The following ANKS1B variants were observed in gnomAD, a reference collection of about 807,000 sequenced individuals.
ANKS1B encodes ankyrin repeat and sterile alpha motif domain-containing protein 1B.
Under a neutral mutation model 148.3 loss-of-function variants are expected in ANKS1B, and 36 were observed. The ratio of observed to expected loss-of-function variants is 0.24; its 90% CI spans 0.19 to 0.32. The LOEUF (loss-of-function observed/expected upper bound fraction) is 0.32. ANKS1B is among the 10% of genes least tolerant of loss of function. The pLI is 1.00. For missense variants in ANKS1B, 1,157 were observed against 1,542.6 expected (o/e 0.75, Z 4.19); for synonymous variants, 542 against 560.8 (o/e 0.97, Z 0.47).
chr12:99,757,919 C>T (rs1188237619), intron 8 of ANKS1B, among the ~76,000 whole-genome samples: 1 of 151,806 alleles, frequency 6.6e-6, no homozygotes, highest in Non-Finnish European at 1.5e-5. Flanking sequence ...GAGAACAGCA[C>T]ACACTGGGGT....
chr12:99,702,794 A>AT lies in ANKS1B; in HGVS notation c.1129-47585dup. Among the ~76,000 whole-genome samples the AT allele has an allele frequency of 6.1e-5, 8 of 130,274 alleles. 1 individual carries two copies. In the East Asian group the frequency reaches 2.1e-3, roughly 34 times the overall value. 85.5% of individuals were successfully genotyped at this position (130,274 alleles called of 152,430 possible). Reference sequence around the variant, plus strand: ...TAACTTGATGTGATTACATTTGTCCATTTTTGCTTTGGTTGCCTGTGCTTT... The same window carrying AT: ...TAACTTGATGTGATTACATTTGTCCATTTTTTGCTTTGGTTGCCTGTGCTTT... On this transcript the variant is annotated intron_variant, in intron 8 of 26. Transcript: ENST00000683438.
chr12:99,298,264 T>A (rs2081161921), intron 12 of ANKS1B, among the ~76,000 whole-genome samples: 1 of 152,212 alleles, frequency 6.6e-6, no homozygotes, highest in East Asian at 1.9e-4. Flanking sequence ...CACGTTGAAT[T>A]GTAATAATCC....
chr12:99,824,806 T>C (rs532233267), intron 2 of ANKS1B, among the ~76,000 whole-genome samples: 1 of 152,316 alleles, frequency 6.6e-6, no homozygotes, highest in East Asian at 1.9e-4. Context: ...AATTTAGGGT[T>C]GGCAAATCTA....
chr12:99,464,936 A>T (rs531745667), intron 10 of ANKS1B, among the ~76,000 whole-genome samples: 151 of 152,324 alleles, frequency 9.9e-4, no homozygotes, highest in African/African-American at 3.5e-3. Flanking sequence ...CAGGAAATAC[A>T]GAGAACACCA....
Position 99,041,030 on chromosome 12 carries a change from C to T in ANKS1B, c.2778+12127G>A, listed in dbSNP as rs538091230. On this transcript the variant is annotated intron_variant, in intron 17 of 26. Transcript: ENST00000683438. ...GACGTTGTGAGTTGAGAGCCTGGAC[C>T]TCAGGGATAAAGACCTGTACTTGGC... Among the ~76,000 whole-genome samples the T allele has an allele frequency of 3.9e-5, 6 of 152,288 alleles. No individual in the cohort carries two copies. In the South Asian group the frequency reaches 1.0e-3, roughly 26 times the overall value.
intron 8 of ANKS1B, among the ~76,000 whole-genome samples, chr12:99,708,972 A>G (rs1367831180): frequency 6.6e-6 from 1 of 152,166 alleles, no homozygotes; most frequent in Non-Finnish European, 1.5e-5. Context: ...CAATAAATGT[A>G]AATTAATTAG....
At chr12:99,037,025 T>C (rs1327426019) in intron 17 of ANKS1B, among the ~76,000 whole-genome samples, 1 of 152,210 alleles carries the variant, frequency 6.6e-6, no homozygotes, top group South Asian at 2.1e-4. Flanking sequence ...AGATGGTATT[T>C]CTAGGTTCCA....
chr12:98,827,831 T>C (rs1465816231), intron 19 of ANKS1B, among the ~76,000 whole-genome samples: 4 of 152,108 alleles, frequency 2.6e-5, no homozygotes, highest in African/African-American at 9.7e-5. Context: ...TTCATATTAA[T>C]ACACAAAGAC....
intron 1 of ANKS1B, among the ~76,000 whole-genome samples, chr12:99,970,574 G>A (rs2095546056): frequency 1.3e-5 from 2 of 150,644 alleles, no homozygotes; most frequent in Non-Finnish European, 2.9e-5. Flanking sequence ...TCAGGATTAG[G>A]CTCAAACTCC....
intron 17 of ANKS1B, among the ~76,000 whole-genome samples, chr12:98,885,506 A>T (rs533085641): frequency 1.1e-4 from 16 of 152,232 alleles, no homozygotes; most frequent in Admixed American, 4.6e-4. Context: ...TGAAAGAAGA[A>T]GATCAAAGGG....
chr12:99,413,869 A>C (rs1426743058), intron 11 of ANKS1B, among the ~76,000 whole-genome samples: 1 of 152,110 alleles, frequency 6.6e-6, no homozygotes, highest in Non-Finnish European at 1.5e-5. Flanking sequence ...CTAGCTGTTG[A>C]TGTTCTCTTC....
intron 12 of ANKS1B, among the ~76,000 whole-genome samples, chr12:99,331,412 C>G (rs1442442155): frequency 1.3e-5 from 2 of 151,986 alleles, no homozygotes; most frequent in Non-Finnish European, 2.9e-5. Context: ...TGCTTTACAA[C>G]CTCCTGCAGC....
At chr12:99,115,013 T>TA (rs1323396084) in intron 15 of ANKS1B, among the ~76,000 whole-genome samples, 3 of 152,136 alleles carry the variant, frequency 2.0e-5, no homozygotes, top group Non-Finnish European at 4.4e-5. Context: ...AGGCAGCACT[T>TA]ACACACGATG....
rs1432296534 is a variant in ANKS1B, at chr12:99,521,196, T to C, written c.1273-16555A>G. Among the ~76,000 whole-genome samples the C allele has an allele frequency of 3.3e-5, 5 of 152,316 alleles. 1 individual carries two copies. Among genetic ancestry groups the C allele is most frequent in the African/African-American group, 9.6e-5 (4 of 41,584 alleles). ...TCTGATGCATTCTTCAGTGTGTTGA[T>C]TGCGTTTTTTCAGCTCCAGAATTTC... On this transcript the variant is annotated intron_variant, in intron 9 of 26. Transcript: ENST00000683438.
intron 8 of ANKS1B, among the ~76,000 whole-genome samples, chr12:99,681,878 T>C (rs1050070965): frequency 6.6e-5 from 10 of 152,136 alleles, no homozygotes; most frequent in Admixed American, 5.2e-4. Flanking sequence ...GAAGGTCACC[T>C]AACACATAAG....
chr12:99,886,852 C>T (rs972235367), intron 1 of ANKS1B, among the ~76,000 whole-genome samples: 2 of 152,132 alleles, frequency 1.3e-5, no homozygotes, highest in African/African-American at 4.8e-5. Flanking sequence ...CTTTTTCCCT[C>T]TTATATAAGC....
chr12:99,419,450 C>G (rs2095016514), intron 11 of ANKS1B, among the ~76,000 whole-genome samples: 1 of 151,952 alleles, frequency 6.6e-6, no homozygotes, highest in African/African-American at 2.4e-5. Context: ...TAGTGACATC[C>G]CTATTTTATT....
intron 12 of ANKS1B, among the ~76,000 whole-genome samples, chr12:99,305,594 T>C (rs2082229128): frequency 6.6e-6 from 1 of 152,100 alleles, no homozygotes; most frequent in Non-Finnish European, 1.5e-5. Flanking sequence ...ACTCTCAGAA[T>C]CCCTGGAAAT....
intron 9 of ANKS1B, among the ~76,000 whole-genome samples, chr12:99,548,637 C>A (rs1202755023): frequency 5.3e-5 from 8 of 151,678 alleles, no homozygotes; most frequent in East Asian, 1.9e-4. Context: ...CCATGCCACA[C>A]TAAGAAGAAA....
Sources: gnomAD v4.1 joint callset for allele counts (sites outside exome capture counted in the v4.1 genomes callset) on GRCh38, gnomAD v4.1.1 for gene constraint, MANE v1.5 for transcripts, NCBI Gene and HGNC (gene_info 2026-07-23, HGNC 2026-07-21) for gene names.